The following COL4A6 variants were observed in gnomAD, a reference collection of about 807,000 sequenced individuals.
COL4A6 encodes collagen alpha-6(IV) chain.
In COL4A6, 59 loss-of-function variants were observed where a neutral mutation model predicts 126.7. That is an observed-to-expected ratio of 0.47 (90% CI 0.38 to 0.58). The LOEUF is 0.58. COL4A6 is among the 20% of genes least tolerant of loss of function. The pLI is 0.00. For synonymous variants in COL4A6, 547 were observed against 496.6 expected (o/e 1.10, Z -1.35); for missense variants, 1,285 against 1,337.3 (o/e 0.96, Z 0.61).
intron 42 of COL4A6, among the ~76,000 whole-genome samples, chrX:108,161,196 A>G (rs1002429378): frequency 1.8e-5 from 2 of 111,417 alleles, no homozygotes; most frequent in African/African-American, 6.5e-5. Context: ...GTCATCCCCA[A>G]TATAAAGTGG....
intron 2 of COL4A6, among the ~76,000 whole-genome samples, chrX:108,401,347 G>C (rs962931220): frequency 9.0e-6 from 1 of 110,580 alleles, no homozygotes; most frequent in African/African-American, 3.3e-5. Flanking sequence ...CCTAAAATGT[G>C]TAACAATATG....
chrX:108,372,689 CT>C (rs1353350477), intron 2 of COL4A6, among the ~76,000 whole-genome samples: 1 of 111,681 alleles, frequency 9.0e-6, no homozygotes, highest in Non-Finnish European at 1.9e-5. Context: ...AAAGAGTCCC[CT>C]TTGTGTAGGC....
At position 108,283,592 on chromosome X, in the gene COL4A6, G is replaced by T. The variant is rs940559658; in HGVS notation, c.144+27156C>A. Among the ~76,000 whole-genome samples the T allele has an allele frequency of 4.6e-5, 5 of 109,560 alleles. 1 individual carries two copies. The highest frequency in any genetic ancestry group is 1.7e-4 in the African/African-American group (5 of 30,016). On this transcript the variant is annotated intron_variant, in intron 3 of 44. Transcript: ENST00000334504. ...GATCCCCCTAAGTTTTTTTTTTGGG[G>T]GGGGGTTGGCGGCGGGGATGCGGGG...
Position 108,170,862 on chromosome X carries a change from A to G in COL4A6, c.3333T>C (p.Gly1111=). The change falls in exon 34 of 45, where the codon GGT becomes GGC. Residue 1111 remains glycine (G), a synonymous_variant. Coordinates refer to ENST00000334504, the MANE Select transcript of COL4A6 (RefSeq NM_033641.4). ...IGNIGFPGNK[G]EDGKVGVSGD... The stretch of plus-strand genomic sequence containing the variant: ...CAGAAACACCAACTTTTCCATCTTC[A>G]CCTTTGTTTCCAGGGAAGCCTATAT... The G allele has an allele frequency of 8.3e-7, 1 of 1,211,865 alleles. No individual in the cohort carries two copies. Among genetic ancestry groups the G allele is most frequent in the Non-Finnish European group, 1.1e-6 (1 of 895,466 alleles).
Position 108,171,418 on chromosome X carries a change from G to A in COL4A6, c.3246C>T (p.Pro1082=). 1 of 1,211,040 alleles carries A rather than the reference G, an allele frequency of 8.3e-7. No homozygotes were observed. ...QTVEISGSPG[P]KGQPGESGFK... is the part of the protein sequence containing the mutation. ...AACCAGATTCGCCAGGCTGTCCCTT[G>A]GGTCCTGGGCTACCGGAAATTTCAA... The change falls in exon 33 of 45, where the codon CCC becomes CCT. Residue 1082 remains proline, a synonymous_variant. Coordinates refer to ENST00000334504, the MANE Select transcript of COL4A6 (RefSeq NM_033641.4).
chrX:108,302,868 C>T (rs1296573209), intron 3 of COL4A6, among the ~76,000 whole-genome samples: 2 of 111,197 alleles, frequency 1.8e-5, no homozygotes, highest in Admixed American at 9.6e-5. Context: ...AACCACACAG[C>T]TTTAAACACT....
intron 2 of COL4A6, among the ~76,000 whole-genome samples, chrX:108,360,945 T>G (rs896068961): frequency 1.8e-5 from 2 of 110,553 alleles, no homozygotes; most frequent in Non-Finnish European, 3.8e-5. Context: ...GTCTGGGAAA[T>G]TAGCGTGGGG....
At chrX:108,329,845 G>A (rs1361254240) in intron 2 of COL4A6, among the ~76,000 whole-genome samples, 1 of 111,078 alleles carries the variant, frequency 9.0e-6, no homozygotes, top group Non-Finnish European at 1.9e-5. Context: ...TTGTGGGAAG[G>A]GAAGGAAAAA....
At chrX:108,327,852 G>T (rs1033993520) in intron 2 of COL4A6, among the ~76,000 whole-genome samples, 1 of 109,836 alleles carries the variant, frequency 9.1e-6, no homozygotes, top group Non-Finnish European at 1.9e-5. Context: ...CACAGCAAAG[G>T]GACTCAGAAG....
At position 108,331,643 on chromosome X, in the gene COL4A6, A is replaced by G. The variant is rs186596716; in HGVS notation, c.64-20815T>C. On this transcript the variant is annotated intron_variant, in intron 2 of 44. Transcript: ENST00000334504. Reference sequence around the variant, plus strand: ...GGAATTAGCCCACTCAGTTGTGGAAACTAGCAAGTCTGGAATCTGCAGGGC... The same window carrying G: ...GGAATTAGCCCACTCAGTTGTGGAAGCTAGCAAGTCTGGAATCTGCAGGGC... 1.5e-3 allele frequency among the ~76,000 whole-genome samples: 173 copies of G among 111,955 alleles called. 1 individual carries two copies. The highest frequency in any genetic ancestry group is 2.1e-3 in the Non-Finnish European group (109 of 53,150).
Position 108,187,106 on chromosome X carries a change from G to A in COL4A6, c.1941C>T (p.Pro647=), listed in dbSNP as rs143574845. The part of the protein sequence containing the change: ...KDGLPGQQGL[P]GSKGITLPCI... ...GATTCTATGACTCACCCTTAGATCC[G>A]GGAAGGCCTTGTTGTCCCGGTAATC... The change falls in exon 23 of 45, where the codon CCC becomes CCT. Residue 647 remains proline (P), a synonymous_variant. Coordinates refer to ENST00000334504, the MANE Select transcript of COL4A6 (RefSeq NM_033641.4). 45 of 1,153,009 alleles carry A rather than the reference G, an allele frequency of 3.9e-5. No individual in the cohort carries two copies. Among genetic ancestry groups the A allele is most frequent in the South Asian group, 1.9e-4 (9 of 47,130 alleles).
In COL4A6 at chrX:108,270,617, G is replaced by C. The variant is rs758366291; in HGVS notation, c.144+40131C>G. Among the ~76,000 whole-genome samples, 85 of 112,317 alleles carry C rather than the reference G, an allele frequency of 7.6e-4. 1 individual carries two copies. The highest frequency in any genetic ancestry group is 3.2e-3 in the Admixed American group (34 of 10,617). On this transcript the variant is annotated intron_variant, in intron 3 of 44. Transcript: ENST00000334504. ...GTCTGAAGCCACTGGGTTTTGGAGTGGGTTGTTACATGGTGACAGCTAATT... is the reference window on the plus strand; with the variant it reads ...GTCTGAAGCCACTGGGTTTTGGAGTCGGTTGTTACATGGTGACAGCTAATT...
Position 108,214,144 on chromosome X carries a change from G to GA in COL4A6, c.408_409insT (p.Pro137SerfsTer2), listed in dbSNP as rs765066197. 3.3e-6 allele frequency: 4 copies of GA among 1,209,456 alleles called. No homozygotes were observed. The Admixed American group carries it at 8.7e-5, about 26-fold the overall frequency. ...CCGAGAAGCCCAGGATAGCCATCAGGGCCTGGAAATCCAACAGCTCCTTGA... is the reference window on the plus strand; with the variant it reads ...CCGAGAAGCCCAGGATAGCCATCAGGAGCCTGGAAATCCAACAGCTCCTTGA... On this transcript the variant is annotated frameshift_variant, in exon 6 of 45. Coordinates refer to ENST00000334504, the MANE Select transcript of COL4A6 (RefSeq NM_033641.4). LOFTEE classifies it high-confidence loss of function.
At chrX:108,174,220 C>T (rs1286890394) in intron 31 of COL4A6, among the ~76,000 whole-genome samples, 2 of 111,512 alleles carry the variant, frequency 1.8e-5, no homozygotes, top group Non-Finnish European at 3.8e-5. Flanking sequence ...CAAGAGAAGG[C>T]TCTGCCATTT....
At chrX:108,238,113 T>C (rs762842630) in intron 3 of COL4A6, among the ~76,000 whole-genome samples, 163 of 95,119 alleles carry the variant, frequency 1.7e-3, no homozygotes, top group African/African-American at 6.5e-3. Context: ...TGTGTGTGTG[T>C]TTTTTTTTTT....
At position 108,187,989 on chromosome X, in the gene COL4A6, T is replaced by C. The variant is rs753399678; in HGVS notation, c.1626A>G (p.Gly542=). Residue 542 remains glycine, a synonymous_variant, in exon 22 of 45, where the codon GGA becomes GGG. Coordinates refer to ENST00000334504, the MANE Select transcript of COL4A6 (RefSeq NM_033641.4). ...TACTGAGAATTGGTTCCCCCTTCTT[T>C]CCTTTGGGTCCTGAAGGACCCAGAG... ...VGPLGPSGPK[G]KKGEPILSTI... 8.3e-7 allele frequency: 1 copy of C among 1,201,204 alleles called. No homozygotes were observed. The highest frequency in any genetic ancestry group is 1.8e-5 in the South Asian group (1 of 55,179).
chrX:108,373,914 G>C (rs1396952768), intron 2 of COL4A6, among the ~76,000 whole-genome samples: 2 of 112,133 alleles, frequency 1.8e-5, no homozygotes, highest in Non-Finnish European at 3.8e-5. Context: ...GTAAACATTG[G>C]TTAAATTAAC....
At chrX:108,219,848 C>T (rs56250408) in intron 4 of COL4A6, 106 bp from the exon 5 acceptor site, 24 of 654,414 alleles carry the variant, frequency 3.7e-5, no homozygotes, top group African/African-American at 1.3e-4. Context: ...AGAAGTGTTT[C>T]GTACCCCCCT....
intron 3 of COL4A6, among the ~76,000 whole-genome samples, chrX:108,270,706 A>G (rs1470349013): frequency 8.9e-6 from 1 of 112,238 alleles, no homozygotes; most frequent in Non-Finnish European, 1.9e-5. Flanking sequence ...CCTTTTTCAA[A>G]TTTTCAAACC....
Sources: gnomAD v4.1 joint callset for allele counts (sites outside exome capture counted in the v4.1 genomes callset) on GRCh38, gnomAD v4.1.1 for gene constraint, MANE v1.5 for transcripts, NCBI Gene and HGNC (gene_info 2026-07-23, HGNC 2026-07-21) for gene names.